The following ADAMTS10 variants were observed in gnomAD, a reference collection of about 807,000 sequenced individuals.
ADAMTS10 encodes the protein A disintegrin and metalloproteinase with thrombospondin motifs 10.
A neutral mutation model predicts 135.9 loss-of-function variants in ADAMTS10; 48 were observed. The observed-to-expected ratio is 0.35, with a 90% CI of 0.28 to 0.45. The LOEUF is 0.45. Among genes scored for constraint, ADAMTS10 ranks in the 20% least tolerant of loss-of-function variants. The pLI is 1.00. For missense variants in ADAMTS10, 1,131 were observed against 1,565.2 expected (o/e 0.72, Z 4.68); for synonymous variants, 621 against 647.5 (o/e 0.96, Z 0.62).
chr19:8,604,914 C>G (rs1568407041), intron 4 of ADAMTS10, 98 bp downstream of exon 4: 2 of 1,323,032 alleles, frequency 1.5e-6, no homozygotes, highest in East Asian at 5.0e-5. Context: ...TAAAAAACAT[C>G]CCACTATCAT....
chr19:8,584,895 C>T lies in ADAMTS10; in HGVS notation c.3202G>A (p.Glu1068Lys). 1 of 1,548,988 alleles carries T rather than the reference C, an allele frequency of 6.5e-7. No individual in the cohort carries two copies. The highest frequency in any genetic ancestry group is 8.7e-7 in the Non-Finnish European group (1 of 1,146,458). ...DSPTPGDGPEECKDVNKVAYC... is the reference protein window; with the variant it reads ...DSPTPGDGPEKCKDVNKVAYC... ...GCACCCTGGCTGGTCACCCACATAC[C>T]TTCAGGGCCGTCCCCGGGGGTTGGG... is the stretch of plus-strand genomic sequence containing the variant. Residue 1068 changes from glutamate to lysine, a missense_variant and splice_region_variant, in exon 25 of 26, where the codon GAG (glutamate) becomes AAG (lysine). Around this residue, in one of 3 missense-constraint regions of ADAMTS10, gnomAD observed 745 missense variants for 1,056.3 expected, o/e 0.71. Transcript: ENST00000597188.
chr19:8,604,951 GTT>G, intron 4 of ADAMTS10, 59 bp downstream of exon 4: 1 of 1,508,604 alleles, frequency 6.6e-7, no homozygotes, highest in African/African-American at 1.4e-5. Context: ...ATGTAGAAGT[GTT>G]TTTCTTAACT....
chr19:8,592,314 G>T, intron 13 of ADAMTS10: 1 of 986,948 alleles, frequency 1.0e-6, no homozygotes. Flanking sequence ...CCTGAGCACA[G>T]GGTGCTTAAC....
At chr19:8,590,522 A>G (rs1240829598) in intron 15 of ADAMTS10, among the ~76,000 whole-genome samples, 2 of 150,558 alleles carry the variant, frequency 1.3e-5, no homozygotes, top group Non-Finnish European at 3.0e-5. Flanking sequence ...GCAGTGACAC[A>G]ATCTCGGCTC....
At chr19:8,602,657 G>A (rs1246073266) in intron 5 of ADAMTS10, among the ~76,000 whole-genome samples, 1 of 151,896 alleles carries the variant, frequency 6.6e-6, no homozygotes, top group African/African-American at 2.4e-5. Context: ...ACAGGACCTT[G>A]CTCTGTTGCC....
intron 12 of ADAMTS10, 62 bp downstream of exon 12, chr19:8,595,700 C>CAG: frequency 7.6e-7 from 1 of 1,317,838 alleles, no homozygotes; most frequent in Non-Finnish European, 1.1e-6. Flanking sequence ...GGTGGAGTTC[C>CAG]CTCCCCCAGC....
At chr19:8,583,625 T>G (rs2042383027) in intron 25 of ADAMTS10, among the ~76,000 whole-genome samples, 1 of 151,286 alleles carries the variant, frequency 6.6e-6, no homozygotes, top group Non-Finnish European at 1.5e-5. Context: ...GGCGGGTGGA[T>G]TACTTGAGGC....
chr19:8,607,165 A>C (rs2042730367), intron 2 of ADAMTS10, among the ~76,000 whole-genome samples: 1 of 152,128 alleles, frequency 6.6e-6, no homozygotes, highest in Admixed American at 6.6e-5. Flanking sequence ...CCATGCATCT[A>C]CTGTCCTGGG....
At chr19:8,586,976 ATAACAGC>A in intron 18 of ADAMTS10, 80 bp from the exon 19 acceptor site, 1 of 1,426,828 alleles carries the variant, frequency 7.0e-7, no homozygotes, top group Non-Finnish European at 9.9e-7. Flanking sequence ...GCCCATGAGG[ATAACAGC>A]TAACTATTAC....
At chr19:8,586,042 C>T in intron 22 of ADAMTS10, 80 bp downstream of exon 22, 2 of 1,601,348 alleles carry the variant, frequency 1.2e-6, no homozygotes, top group Non-Finnish European at 1.7e-6. Flanking sequence ...CTGCTCCCCA[C>T]CCCCCTGGAG....
Position 8,596,864 on chromosome 19 carries a change from TG to T in ADAMTS10, c.1040+122del. Reference sequence around the variant, plus strand: ...CCCCTCCCCATCCCTGGCTCCCTCATGGGCAGCCCAAACTTCTCTGCTCCTC... The same window carrying T: ...CCCCTCCCCATCCCTGGCTCCCTCATGGCAGCCCAAACTTCTCTGCTCCTC... On this transcript the variant is annotated intron_variant, in intron 8 of 25. Transcript: ENST00000597188. The surrounding 1 kb of genome is among the most constrained non-coding windows in gnomAD (Gnocchi z 7.2). 21 of 1,490,210 alleles carry T rather than the reference TG, an allele frequency of 1.4e-5. No individual in the cohort carries two copies. The highest frequency in any genetic ancestry group is 1.7e-5 in the Non-Finnish European group (19 of 1,090,306). The allele number at this position is 1,490,210 out of a possible 1,614,324, so 92.3% of individuals were successfully genotyped here. A position where few individuals can be genotyped will look rare whatever the true frequency, so the allele number is the denominator to read the frequency against.
At chr19:8,597,765 C>G (rs2042622047) in intron 6 of ADAMTS10, among the ~76,000 whole-genome samples, 1 of 152,128 alleles carries the variant, frequency 6.6e-6, no homozygotes, top group Non-Finnish European at 1.5e-5. Flanking sequence ...TTCAGCCTCC[C>G]AAGTAGCTGA....
chr19:8,600,551 T>G lies in ADAMTS10; in HGVS notation c.810+377A>C, dbSNP rs569770811. Among the ~76,000 whole-genome samples the G allele has an allele frequency of 6.1e-5, 9 of 148,518 alleles. 1 individual carries two copies. Among genetic ancestry groups the G allele is most frequent in the South Asian group, 4.3e-4 (2 of 4,610 alleles). On this transcript the variant is annotated intron_variant, in intron 6 of 25. Coordinates refer to ENST00000597188, the MANE Select transcript of ADAMTS10 (RefSeq NM_030957.4). The stretch of plus-strand genomic sequence containing the variant: ...TCTTGCTCTGTCGCCCAGGCTGGAG[T>G]GCAGTGGCGTGATCTTGGCTCACTG...
chr19:8,587,271 C>T (rs1289200940), intron 18 of ADAMTS10, among the ~76,000 whole-genome samples: 5 of 151,086 alleles, frequency 3.3e-5, no homozygotes, highest in African/African-American at 1.2e-4. Context: ...ATCCTCCCAC[C>T]TCAGCCTCTG....
At chr19:8,592,910 T>C in intron 12 of ADAMTS10, 40 bp from the exon 13 acceptor site, 1 of 1,576,480 alleles carries the variant, frequency 6.3e-7, no homozygotes, top group South Asian at 1.1e-5. Context: ...CCCCCCTCCC[T>C]TCCTCCCTGG....
Position 8,596,176 on chromosome 19 carries a change from G to A in ADAMTS10, c.1234C>T (p.Arg412Cys). 1.7e-5 allele frequency: 27 copies of A among 1,614,094 alleles called. No homozygotes were observed. The highest frequency in any genetic ancestry group is 2.2e-5 in the Non-Finnish European group (26 of 1,180,026). ...HDGVGNSCGA[R>C]GQDPAKLMAA... ...ATGAGCTTGGCTGGGTCCTGACCAC[G>A]GGCCCCACAGCTGTTTCCCACGCCG... is the stretch of plus-strand genomic sequence containing the variant. The change falls in exon 11 of 26, where the codon CGT (arginine) becomes TGT (cysteine). Residue 412 changes from arginine to cysteine, a missense_variant. This residue lies in a region of ADAMTS10 where 745 missense variants were observed against 1,056.3 expected (regional missense o/e 0.71). Coordinates refer to ENST00000597188, the MANE Select transcript of ADAMTS10 (RefSeq NM_030957.4). The surrounding 1 kb of genome is among the most constrained non-coding windows in gnomAD (Gnocchi z 7.2).
intron 13 of ADAMTS10, chr19:8,592,304 C>T: frequency 5.6e-6 from 6 of 1,074,346 alleles, no homozygotes; most frequent in South Asian, 3.1e-5. Flanking sequence ...AGAGGCGTGG[C>T]CTGAGCACAG....
At chr19:8,609,099 C>T (rs958647248) in intron 1 of ADAMTS10, among the ~76,000 whole-genome samples, 9 of 151,156 alleles carry the variant, frequency 6.0e-5, no homozygotes, top group Non-Finnish European at 1.3e-4. Context: ...AACAGGATGT[C>T]AGTGAGGGAT....
intron 25 of ADAMTS10, chr19:8,581,353 AAGAG>A (rs1481675841): frequency 5.9e-6 from 1 of 169,736 alleles, no homozygotes; most frequent in Admixed American, 6.1e-5. Flanking sequence ...TTGAGGATTT[AAGAG>A]AGAGAGTGTA....
Sources: allele counts gnomAD v4.1 joint callset (sites outside exome capture counted in the v4.1 genomes callset), GRCh38; gene constraint gnomAD v4.1.1; regional missense constraint gnomAD v4.1.1; non-coding constraint Gnocchi (gnomAD v3.1); transcripts MANE v1.5; gene names NCBI Gene and HGNC (gene_info 2026-07-23, HGNC 2026-07-21).